FHIT: variants seen among roughly 807,000 people sequenced by gnomAD.
FHIT encodes fragile histidine triad diadenosine triphosphatase, also known as bis(5'-adenosyl)-triphosphatase.
A neutral mutation model predicts 17.9 loss-of-function variants in FHIT; 19 were observed. The ratio of observed to expected loss-of-function variants is 1.06; its 90% CI spans 0.74 to 1.56. FHIT has a LOEUF of 1.56. Among genes scored for constraint, FHIT ranks in the 40% most tolerant of loss-of-function variants. The probability of loss-of-function intolerance (pLI) is 0.00; values close to 1 mark genes in which losing one functional copy is unlikely to be tolerated. For missense variants in FHIT, 248 were observed against 189.2 expected, an observed-to-expected ratio of 1.31 and a Z score of -1.82; for synonymous variants, 81 against 69.7, an observed-to-expected ratio of 1.16 and a Z score of -0.81.
At chr3:59,889,828 A>G (rs1342004009) in intron 8 of FHIT, among the ~76,000 whole-genome samples, 1 of 152,246 alleles carries the variant, frequency 6.6e-6, no homozygotes, top group African/African-American at 2.4e-5. Context: ...TAATAAATGT[A>G]AAATCCTAAT....
rs538838953 is a variant in FHIT at position 60,879,843 on chromosome 3, A to C, written c.-110-57832T>G. Among the ~76,000 whole-genome samples, 484 of 151,184 alleles carry C rather than the reference A, an allele frequency of 3.2e-3. 5 individuals are homozygous for C. The highest frequency in any genetic ancestry group is 0.011 in the African/African-American group (464 of 41,368). On this transcript the variant is annotated intron_variant, in intron 3 of 9. Transcript: ENST00000492590. Reference sequence around the variant, plus strand: ...TATTTAAAATTACTTAGCTAGAGAGAAAAAAAAATAAGAAAGAAAAAGAGT... The same window carrying C: ...TATTTAAAATTACTTAGCTAGAGAGCAAAAAAAATAAGAAAGAAAAAGAGT...
intron 4 of FHIT, among the ~76,000 whole-genome samples, chr3:60,560,264 C>G (rs1323437718): frequency 6.6e-6 from 1 of 152,052 alleles, no homozygotes; most frequent in Non-Finnish European, 1.5e-5. Context: ...TTTACAGTGC[C>G]TGGGACACAC....
intron 5 of FHIT, among the ~76,000 whole-genome samples, chr3:60,447,605 A>G (rs1463011828): frequency 6.6e-6 from 1 of 152,168 alleles, no homozygotes; most frequent in Non-Finnish European, 1.5e-5. Context: ...GATGCTCTAG[A>G]TAAATATTTG....
intron 5 of FHIT, among the ~76,000 whole-genome samples, chr3:60,198,705 G>A (rs1702757716): frequency 6.6e-6 from 1 of 152,086 alleles, no homozygotes; most frequent in Admixed American, 6.5e-5. Flanking sequence ...GGGAGGCGGT[G>A]CAGCTCTGGT....
intron 8 of FHIT, among the ~76,000 whole-genome samples, chr3:59,786,647 C>T (rs1699312345): frequency 6.6e-6 from 1 of 152,214 alleles, no homozygotes; most frequent in South Asian, 2.1e-4. Flanking sequence ...CATCTGTAAC[C>T]TCAATGTAGG....
chr3:60,742,396 T>C (rs541836410), intron 4 of FHIT, among the ~76,000 whole-genome samples: 1 of 152,294 alleles, frequency 6.6e-6, no homozygotes, highest in Admixed American at 6.5e-5. Context: ...GGGAAGAGCA[T>C]GTTCAGTTTT....
intron 5 of FHIT, among the ~76,000 whole-genome samples, chr3:60,244,184 C>T (rs1705274009): frequency 1.3e-5 from 2 of 152,000 alleles, no homozygotes; most frequent in Non-Finnish European, 2.9e-5. Context: ...AAATTTTCAA[C>T]TGTTCATTCT....
At chr3:60,019,909 A>G (rs772302764) in intron 5 of FHIT, among the ~76,000 whole-genome samples, 1 of 152,330 alleles carries the variant, frequency 6.6e-6, no homozygotes, top group African/African-American at 2.4e-5. Context: ...CACATCTGCC[A>G]CTATTTTCCA....
chr3:60,606,051 A>G (rs1365811705), intron 4 of FHIT, among the ~76,000 whole-genome samples: 2 of 152,102 alleles, frequency 1.3e-5, no homozygotes, highest in Non-Finnish European at 2.9e-5. Context: ...TAAGGATGCT[A>G]AATTCCTAAT....
chr3:59,946,610 A>T (rs1201198894), intron 7 of FHIT, among the ~76,000 whole-genome samples: 2 of 152,146 alleles, frequency 1.3e-5, no homozygotes, highest in Admixed American at 6.5e-5. Context: ...TCTCAAGGGG[A>T]ATGCTTCCAG....
intron 3 of FHIT, among the ~76,000 whole-genome samples, chr3:60,963,585 C>G (rs1248658211): frequency 1.3e-5 from 2 of 152,170 alleles, no homozygotes; most frequent in African/African-American, 4.8e-5. Flanking sequence ...AAATTTCCCT[C>G]TACACACTGC....
At chr3:60,565,889 T>C (rs535091993) in intron 4 of FHIT, among the ~76,000 whole-genome samples, 110 of 152,326 alleles carry the variant, frequency 7.2e-4, no homozygotes, top group African/African-American at 2.6e-3. Context: ...CTTTCTCTTA[T>C]GGGCATTTAG....
At chr3:59,987,014 AAAAAAT>A (rs1709004147) in intron 7 of FHIT, among the ~76,000 whole-genome samples, 1 of 124,814 alleles carries the variant, frequency 8.0e-6, no homozygotes, top group Non-Finnish European at 1.6e-5. Context: ...TTAAAAAATA[AAAAAAT>A]AAAAATATAA....
At chr3:61,147,623 C>T (rs896308214) in intron 2 of FHIT, among the ~76,000 whole-genome samples, 2 of 151,308 alleles carry the variant, frequency 1.3e-5, no homozygotes, top group Admixed American at 1.3e-4. Flanking sequence ...AAAAAAAATT[C>T]GATCAAGATT....
At chr3:59,920,655 T>C (rs1221311158) in intron 8 of FHIT, among the ~76,000 whole-genome samples, 3 of 152,248 alleles carry the variant, frequency 2.0e-5, no homozygotes, top group African/African-American at 7.2e-5. Context: ...TAGCAGTATT[T>C]ACTAGTATAT....
intron 4 of FHIT, among the ~76,000 whole-genome samples, chr3:60,574,788 C>G (rs544969371): frequency 6.6e-6 from 1 of 151,972 alleles, no homozygotes; most frequent in Non-Finnish European, 1.5e-5. Context: ...TCAGTCCTTC[C>G]GCTTGCCAGG....
At chr3:60,140,903 A>G (rs916409756) in intron 5 of FHIT, among the ~76,000 whole-genome samples, 1 of 152,056 alleles carries the variant, frequency 6.6e-6, no homozygotes, top group Non-Finnish European at 1.5e-5. Context: ...TCTTAACAAC[A>G]CTGAGTACTC....
intron 6 of FHIT, among the ~76,000 whole-genome samples, chr3:60,012,691 A>C (rs1380367861): frequency 6.6e-6 from 1 of 152,174 alleles, no homozygotes; most frequent in Non-Finnish European, 1.5e-5. Flanking sequence ...TATGTGTGTC[A>C]GGGGAGACAG....
chr3:61,010,569 C>G (rs1203556310), intron 3 of FHIT, among the ~76,000 whole-genome samples: 2 of 152,190 alleles, frequency 1.3e-5, no homozygotes, highest in African/African-American at 2.4e-5. Flanking sequence ...AAACAACCAA[C>G]AGGGATCAGG....
Sources: gnomAD v4.1 joint callset for allele counts (sites outside exome capture counted in the v4.1 genomes callset) on GRCh38, gnomAD v4.1.1 for gene constraint, MANE v1.5 for transcripts, NCBI Gene and HGNC (gene_info 2026-07-23, HGNC 2026-07-21) for gene names.